Variants in ARMH2 observed in about 807,000 individuals in gnomAD.
ARMH2 encodes the protein armadillo-like helical domain-containing protein 2.
A neutral mutation model predicts 9.0 loss-of-function variants in ARMH2; 5 were observed. That is an observed-to-expected ratio of 0.56 (90% CI 0.29 to 1.17). The LOEUF (loss-of-function observed/expected upper bound fraction) is 1.17, where lower values mean the gene tolerates loss of function less well. Ranked by LOEUF, ARMH2 falls within the 50% of genes most tolerant of loss-of-function variation. The probability of loss-of-function intolerance (pLI) is 0.08; values close to 1 mark genes in which losing one functional copy is unlikely to be tolerated. For missense variants in ARMH2, 236 were observed against 268.3 expected (o/e 0.88, Z 0.84); for synonymous variants, 74 against 93.1 (o/e 0.79, Z 1.18).
rs1300408085 is a variant in ARMH2 at position 24,797,443 on chromosome 6, C to T, written c.660G>A (p.Val220=). 4 of 1,534,908 alleles carry T rather than the reference C, an allele frequency of 2.6e-6. No homozygotes were observed. Among genetic ancestry groups the T allele is most frequent in the Non-Finnish European group, 2.6e-6 (3 of 1,146,270 alleles). Residue 220 remains valine (V), a synonymous_variant, in exon 2 of 2, where the codon GTG becomes GTA. Transcript: ENST00000565469. ...WSGWTENFAE[V]LYFLIGFHRN Reference sequence around the variant, plus strand: ...TATGAAAACCAATTAGGAAATACAGCACCTCTGCAAAATTCTCTGTCCATC... The same window carrying T: ...TATGAAAACCAATTAGGAAATACAGTACCTCTGCAAAATTCTCTGTCCATC...
At position 24,798,589 on chromosome 6, in the gene ARMH2, G is replaced by T; in HGVS notation, c.265+4C>A. 1 of 1,533,148 alleles carries T rather than the reference G, an allele frequency of 6.5e-7. No individual in the cohort carries two copies. The highest frequency in any genetic ancestry group is 2.4e-5 in the East Asian group (1 of 40,888). 95.0% of individuals were successfully genotyped at this position (1,533,148 alleles called of 1,614,324 possible). On this transcript the variant is annotated splice_donor_region_variant and intron_variant, in intron 1 of 1. Coordinates refer to ENST00000565469, the MANE Select transcript of ARMH2 (RefSeq NM_001282492.2). ...CATTTTAGCACAGCCATTTAGATCAGTACCTGTGAAGGCCAGCAGTCCAAT... is the reference window on the plus strand; with the variant it reads ...CATTTTAGCACAGCCATTTAGATCATTACCTGTGAAGGCCAGCAGTCCAAT...
At chr6:24,798,257 C>T (rs966774694) in intron 1 of ARMH2, among the ~76,000 whole-genome samples, 2 of 152,110 alleles carry the variant, frequency 1.3e-5, no homozygotes, top group South Asian at 2.1e-4. Flanking sequence ...GCTGGTATTA[C>T]AGGCATGCAC....
Position 24,797,792 on chromosome 6 carries a change from A to G in ARMH2, c.311T>C (p.Val104Ala), listed in dbSNP as rs1026523627. 1.5e-5 allele frequency: 23 copies of G among 1,535,334 alleles called. No individual in the cohort carries two copies. The highest frequency in any genetic ancestry group is 2.0e-5 in the Non-Finnish European group (23 of 1,146,732). Residue 104 changes from valine (V) to alanine (A), a missense_variant, in exon 2 of 2, where the codon GTG (valine) becomes GCG (alanine). Transcript: ENST00000565469. ...CTCCTCATCTTGCAACAAGTGAGCCACTTCTTCCATGTACTCAGCTGCAAA... is the reference window on the plus strand; with the variant it reads ...CTCCTCATCTTGCAACAAGTGAGCCGCTTCTTCCATGTACTCAGCTGCAAA... ...GNFAAEYMEE[V>A]AHLLQDEELA...
In ARMH2 at chr6:24,798,645, G is replaced by C. The variant is rs1032415585; in HGVS notation, c.213C>G (p.Pro71=). The C allele has an allele frequency of 1.5e-5, 23 of 1,535,394 alleles. No homozygotes were observed. Among genetic ancestry groups the C allele is most frequent in the Admixed American group, 3.9e-5 (2 of 50,988 alleles). Residue 71 remains proline, a synonymous_variant, in exon 1 of 2, where the codon CCC becomes CCG. Coordinates refer to ENST00000565469, the MANE Select transcript of ARMH2 (RefSeq NM_001282492.2). The part of the protein sequence containing the change: ...LGQVLMNESL[P]IEKRAQAAQK... ...GGGCAGCTTGAGCTCTCTTCTCAAT[G>C]GGTAGAGATTCATTCATCAACACTT...
chr6:24,798,657 A>G lies in ARMH2; in HGVS notation c.201T>C (p.Asn67=). 1.3e-6 allele frequency: 2 copies of G among 1,535,428 alleles called. No individual in the cohort carries two copies. The highest frequency in any genetic ancestry group is 1.7e-6 in the Non-Finnish European group (2 of 1,146,712). The change falls in exon 1 of 2, where the codon AAT becomes AAC. Residue 67 remains asparagine (N), a synonymous_variant. Coordinates refer to ENST00000565469, the MANE Select transcript of ARMH2 (RefSeq NM_001282492.2). ...CTCTCTTCTCAATGGGTAGAGATTC[A>G]TTCATCAACACTTGGCCAAGTACAA... The part of the protein sequence containing the change: ...KIVVLGQVLM[N]ESLPIEKRAQ...
Position 24,797,538 on chromosome 6 carries a change from C to A in ARMH2, c.565G>T (p.Val189Phe). The change falls in exon 2 of 2, where the codon GTC becomes TTC. Residue 189 changes from valine to phenylalanine, a missense_variant. Physicochemically the swap from Val to Phe is conservative, Grantham distance 50. Transcript: ENST00000565469. ...SVMTCNNLSC[V>F]KELKDHSALK... is the part of the protein sequence containing the mutation. ...GCACTGTGGTCTTTAAGCTCCTTGA[C>A]GCAAGACAAGTTATTGCATGTCATG... 1 of 1,535,396 alleles carries A rather than the reference C, an allele frequency of 6.5e-7. No individual in the cohort carries two copies. Among genetic ancestry groups the A allele is most frequent in the Non-Finnish European group, 8.7e-7 (1 of 1,146,728 alleles).
At position 24,797,517 on chromosome 6, in the gene ARMH2, T is replaced by A. The variant is rs1344349690; in HGVS notation, c.586A>T (p.Ser196Cys). Reference protein sequence around the residue: ...LSCVKELKDHSALKYHLQMLA... With the variant: ...LSCVKELKDHCALKYHLQMLA... ...ATTTGCAAATGATATTTTAGAGCAC[T>A]GTGGTCTTTAAGCTCCTTGACGCAA... is the stretch of plus-strand genomic sequence containing the variant. Residue 196 changes from serine (S) to cysteine (C), a missense_variant, in exon 2 of 2, where the codon AGT becomes TGT. Physicochemically the swap from Ser to Cys is moderately radical, Grantham distance 112 (BLOSUM62 -1). Coordinates refer to ENST00000565469, the MANE Select transcript of ARMH2 (RefSeq NM_001282492.2). 2 of 1,535,402 alleles carry A rather than the reference T, an allele frequency of 1.3e-6. No individual in the cohort carries two copies. Among genetic ancestry groups the A allele is most frequent in the Non-Finnish European group, 1.7e-6 (2 of 1,146,750 alleles).
Position 24,798,685 on chromosome 6 carries a change from A to G in ARMH2, c.173T>C (p.Ile58Thr). Residue 58 changes from isoleucine to threonine, a missense_variant, in exon 1 of 2, where the codon ATT (isoleucine) becomes ACT (threonine). Coordinates refer to ENST00000565469, the MANE Select transcript of ARMH2 (RefSeq NM_001282492.2). ...SAETYFHEEKIVVLGQVLMNE... is the reference protein window; with the variant it reads ...SAETYFHEEKTVVLGQVLMNE... ...CATCAACACTTGGCCAAGTACAACAATTTTTTCCTCATGAAAATAAGTCTC... is the reference window on the plus strand; with the variant it reads ...CATCAACACTTGGCCAAGTACAACAGTTTTTTCCTCATGAAAATAAGTCTC... 1 of 1,534,774 alleles carries G rather than the reference A, an allele frequency of 6.5e-7. No individual in the cohort carries two copies. The highest frequency in any genetic ancestry group is 8.7e-7 in the Non-Finnish European group (1 of 1,146,556).
At chr6:24,797,948 G>T in intron 1 of ARMH2, 111 bp from the exon 2 acceptor site, 1 of 1,204,598 alleles carries the variant, frequency 8.3e-7, no homozygotes. Context: ...GGATACTTTG[G>T]ATACTTTGAA....
Position 24,797,454 on chromosome 6 carries a change from A to G in ARMH2, c.649T>C (p.Phe217Leu), listed in dbSNP as rs1054820155. The G allele has an allele frequency of 1.2e-5, 18 of 1,535,180 alleles. No individual in the cohort carries two copies. The East Asian group carries it at 4.4e-4, about 38-fold the overall frequency. ...ATTAGGAAATACAGCACCTCTGCAA[A>G]ATTCTCTGTCCATCCAGACCAATTC... The part of the protein sequence containing the change: ...AENWSGWTEN[F>L]AEVLYFLIGF... The change falls in exon 2 of 2, where the codon TTT becomes CTT. Residue 217 changes from phenylalanine to leucine, a missense_variant. Coordinates refer to ENST00000565469, the MANE Select transcript of ARMH2 (RefSeq NM_001282492.2).
chr6:24,798,799 G>T lies in ARMH2; in HGVS notation c.59C>A (p.Ala20Glu), dbSNP rs755176994. The T allele has an allele frequency of 7.3e-5, 112 of 1,535,042 alleles. No homozygotes were observed. The highest frequency in any genetic ancestry group is 9.5e-5 in the Non-Finnish European group (109 of 1,146,690). ...TTTCTGGAGACGCCGACACAGCCCC[G>T]CAAAATACCCATACATCTTAACCCA... ...QIWVKMYGYF[A>E]GLCRRLQKFW... The change falls in exon 1 of 2, where the codon GCG (alanine) becomes GAG (glutamate). Residue 20 changes from alanine to glutamate, a missense_variant. By Grantham distance (107) the Ala-to-Glu change is moderately radical. Transcript: ENST00000565469.
In ARMH2 at chr6:24,797,387, A is replaced by G. The variant is rs1263457454; in HGVS notation, c.*23T>C. The G allele has an allele frequency of 1.3e-6, 2 of 1,521,998 alleles. No individual in the cohort carries two copies. The highest frequency in any genetic ancestry group is 1.8e-6 in the Non-Finnish European group (2 of 1,137,778). The allele number at this position is 1,521,998 out of a possible 1,614,324, so 94.3% of individuals were successfully genotyped here. A position where few individuals can be genotyped will look rare whatever the true frequency, so the allele number is the denominator to read the frequency against. On this transcript the variant is annotated 3_prime_UTR_variant, in exon 2 of 2. Transcript: ENST00000565469. Reference sequence around the variant, plus strand: ...CCAGGGTAATACACAGAGAGCTGCAACATGTAACTGGATTTAGAGAAACTA... The same window carrying G: ...CCAGGGTAATACACAGAGAGCTGCAGCATGTAACTGGATTTAGAGAAACTA...
chr6:24,798,641 C>G lies in ARMH2; in HGVS notation c.217G>C (p.Glu73Gln). 1 of 1,535,384 alleles carries G rather than the reference C, an allele frequency of 6.5e-7. No individual in the cohort carries two copies. Among genetic ancestry groups the G allele is most frequent in the Non-Finnish European group, 8.7e-7 (1 of 1,146,694 alleles). The change falls in exon 1 of 2, where the codon GAG becomes CAG. Residue 73 changes from glutamate to glutamine, a missense_variant. By Grantham distance (29) the Glu-to-Gln change is conservative (BLOSUM62 2). Transcript: ENST00000565469. ...TTCTGGGCAGCTTGAGCTCTCTTCT[C>G]AATGGGTAGAGATTCATTCATCAAC... ...QVLMNESLPIEKRAQAAQKIG... is the reference protein window; with the variant it reads ...QVLMNESLPIQKRAQAAQKIG...
intron 1 of ARMH2, 150 bp from the exon 2 acceptor site, chr6:24,797,987 C>G: frequency 1.2e-6 from 1 of 829,558 alleles, no homozygotes; most frequent in Non-Finnish European, 1.8e-6. Flanking sequence ...CCACCTCCCA[C>G]GCTGCTGCCA....
intron 1 of ARMH2, 62 bp from the exon 2 acceptor site, chr6:24,797,899 T>C: frequency 2.1e-6 from 3 of 1,449,860 alleles, no homozygotes; most frequent in East Asian, 2.5e-5. Flanking sequence ...AGTAACACTT[T>C]GGAATGCTTA....
At chr6:24,798,463 G>T in intron 1 of ARMH2, 130 bp downstream of exon 1, 1 of 1,134,242 alleles carries the variant, frequency 8.8e-7, no homozygotes, top group Non-Finnish European at 1.2e-6. Context: ...TGTTCGCTTA[G>T]CAAATATCCC....
Position 24,797,545 on chromosome 6 carries a change from CA to C in ARMH2, c.557del (p.Leu186CysfsTer13). The C allele has an allele frequency of 6.5e-7, 1 of 1,535,408 alleles. No homozygotes were observed. The highest frequency in any genetic ancestry group is 8.7e-7 in the Non-Finnish European group (1 of 1,146,734). On this transcript the variant is annotated frameshift_variant, in exon 2 of 2. Transcript: ENST00000565469. LOFTEE classifies it low-confidence loss of function (END_TRUNC). ...YVLSVMTCNN[L>X]SCVKELKDHS... The stretch of plus-strand genomic sequence containing the variant: ...GGTCTTTAAGCTCCTTGACGCAAGA[CA>C]AGTTATTGCATGTCATGACAGAGAG...
chr6:24,797,374 A>C lies in ARMH2; in HGVS notation c.*36T>G. 6.7e-7 allele frequency: 1 copy of C among 1,502,378 alleles called. No homozygotes were observed. Among genetic ancestry groups the C allele is most frequent in the Non-Finnish European group, 8.9e-7 (1 of 1,124,368 alleles). 93.1% of individuals were successfully genotyped at this position (1,502,378 alleles called of 1,614,324 possible). A position where few individuals can be genotyped will look rare whatever the true frequency, so the allele number is the denominator to read the frequency against. ...TTATTTCAGTTTTCCAGGGTAATAC[A>C]CAGAGAGCTGCAACATGTAACTGGA... is the stretch of plus-strand genomic sequence containing the variant. On this transcript the variant is annotated 3_prime_UTR_variant, in exon 2 of 2. Transcript: ENST00000565469.
chr6:24,798,718 G>A lies in ARMH2; in HGVS notation c.140C>T (p.Pro47Leu). The A allele has an allele frequency of 2.0e-6, 3 of 1,535,196 alleles. No individual in the cohort carries two copies. The highest frequency in any genetic ancestry group is 2.6e-6 in the Non-Finnish European group (3 of 1,146,640). ...FFVKKKEKKI[P>L]SAETYFHEEK... ...CTCATGAAAATAAGTCTCAGCTGAA[G>A]GGATTTTTTTTTCCTTCTTCTTAAC... The change falls in exon 1 of 2, where the codon CCT (proline) becomes CTT (leucine). Residue 47 changes from proline to leucine, a missense_variant. Pro to Leu is a moderately conservative substitution (Grantham distance 98). Transcript: ENST00000565469.
Sources: gnomAD v4.1 joint callset for allele counts (sites outside exome capture counted in the v4.1 genomes callset) on GRCh38, gnomAD v4.1.1 for gene constraint, MANE v1.5 for transcripts, NCBI Gene and HGNC (gene_info 2026-07-23, HGNC 2026-07-21) for gene names.